MYO15A: variants seen among roughly 807,000 people sequenced by gnomAD.
The protein encoded by MYO15A is unconventional myosin-XV.
MYO15A carries 308 observed loss-of-function variants against 394.6 expected under a neutral mutation model. That is an observed-to-expected ratio of 0.78 (90% CI 0.71 to 0.86). The LOEUF is 0.86. Among genes scored for constraint, MYO15A ranks in the 40% least tolerant of loss-of-function variants. The probability of loss-of-function intolerance (pLI) is 0.00; values close to 1 mark genes in which losing one functional copy is unlikely to be tolerated. For synonymous variants in MYO15A, 1,957 were observed against 2,003.8 expected, an observed-to-expected ratio of 0.98 and a Z score of 0.62; for missense variants, 4,606 against 4,799.1, an observed-to-expected ratio of 0.96 and a Z score of 1.19.
chr17:18,135,638 G>A, intron 12 of MYO15A, 73 bp from the exon 13 acceptor site: 1 of 1,434,442 alleles, frequency 7.0e-7, no homozygotes, highest in Non-Finnish European at 9.7e-7. Flanking sequence ...ACAGTGCCCG[G>A]CCCTGTTTTT....
chr17:18,157,426 C>T (rs374969695), intron 50 of MYO15A, 196 bp downstream of exon 50: 23 of 915,974 alleles, frequency 2.5e-5, no homozygotes, highest in Admixed American at 1.5e-4. Context: ...GAGGGGTCTC[C>T]GTGGGCATTT....
At chr17:18,112,199 C>T in intron 1 of MYO15A, among the ~76,000 whole-genome samples, 1 of 151,146 alleles carries the variant, frequency 6.6e-6, no homozygotes, top group African/African-American at 2.4e-5. Context: ...CAGCCCTGCC[C>T]TGCTTCTCCC....
rs77657393 is a variant in MYO15A, at chr17:18,173,170, G to A, written c.10351-611G>A. 1.3e-3 allele frequency among the ~76,000 whole-genome samples: 197 copies of A among 152,248 alleles called. 1 individual carries two copies. The highest frequency in any genetic ancestry group is 0.01 in the Middle Eastern group (3 of 294). ...AGCTTTCCTTCTCTCCTGGGGGTGA[G>A]GGAGCTGGGGTGTCCATTCAACACT... On this transcript the variant is annotated intron_variant, in intron 64 of 65. Coordinates refer to ENST00000647165, the MANE Select transcript of MYO15A (RefSeq NM_016239.4).
intron 56 of MYO15A, chr17:18,160,680 T>G: frequency 4.9e-6 from 1 of 202,098 alleles, no homozygotes; most frequent in Non-Finnish European, 1.0e-5. Flanking sequence ...ACCACAGGGA[T>G]CCAGAGCGGG....
intron 62 of MYO15A, among the ~76,000 whole-genome samples, chr17:18,169,314 C>T (rs955803030): frequency 4.0e-5 from 6 of 151,052 alleles, no homozygotes; most frequent in Non-Finnish European, 8.8e-5. Context: ...GGCATGGTGG[C>T]GCATGCCTGT....
At chr17:18,124,638 C>T in intron 3 of MYO15A, 73 bp downstream of exon 3, 2 of 1,448,684 alleles carry the variant, frequency 1.4e-6, no homozygotes, top group Non-Finnish European at 9.5e-7. Context: ...AGAGCAGCTC[C>T]TCCTGCAGTT....
Position 18,156,245 on chromosome 17 carries a change from T to C in MYO15A, c.8510T>C (p.Phe2837Ser), listed in dbSNP as rs2046672717. 1 of 1,614,006 alleles carries C rather than the reference T, an allele frequency of 6.2e-7. No individual in the cohort carries two copies. The highest frequency in any genetic ancestry group is 8.5e-7 in the Non-Finnish European group (1 of 1,180,010). Residue 2837 changes from phenylalanine to serine, a missense_variant, in exon 48 of 66, where the codon TTC (phenylalanine) becomes TCC (serine). By Grantham distance (155) the Phe-to-Ser change is radical. Coordinates refer to ENST00000647165, the MANE Select transcript of MYO15A (RefSeq NM_016239.4). ...VTMPSQNMLE[F>S]NLASEKVILF... The stretch of plus-strand genomic sequence containing the variant: ...ATGCCCTCCCAGAACATGCTGGAGT[T>C]CAACCTGGCCAGTGAGAAGGTCATC...
At chr17:18,156,534 C>T (rs1479639571) in intron 48 of MYO15A, among the ~76,000 whole-genome samples, 198 bp downstream of exon 48, 2 of 152,248 alleles carry the variant, frequency 1.3e-5, no homozygotes, top group African/African-American at 2.4e-5. Flanking sequence ...TGCCCCCTGC[C>T]GGGTGGCACA....
chr17:18,122,578 G>A (rs2045959595), intron 2 of MYO15A, 169 bp downstream of exon 2: 1 of 1,073,718 alleles, frequency 9.3e-7, no homozygotes, highest in African/African-American at 1.6e-5. Flanking sequence ...CAGAACCTCT[G>A]GAGGGTTGAA....
At chr17:18,137,275 T>C (rs2046297500) in intron 15 of MYO15A, among the ~76,000 whole-genome samples, 1 of 152,250 alleles carries the variant, frequency 6.6e-6, no homozygotes. Flanking sequence ...GTACTGTCAG[T>C]ATCCTCATTT....
chr17:18,146,049 C>A lies in MYO15A; in HGVS notation c.6451C>A (p.Leu2151Met). 6.2e-7 allele frequency: 1 copy of A among 1,613,832 alleles called. No individual in the cohort carries two copies. The highest frequency in any genetic ancestry group is 1.1e-5 in the South Asian group (1 of 91,076). Reference sequence around the variant, plus strand: ...CAATGCTGAGCGGGGCTGGCTGCTGCTGGCCGCCTGCCTCAGTGGCTTTGC... The same window carrying A: ...CAATGCTGAGCGGGGCTGGCTGCTGATGGCCGCCTGCCTCAGTGGCTTTGC... ...AHNAERGWLLLAACLSGFAPS... is the reference protein window; with the variant it reads ...AHNAERGWLLMAACLSGFAPS... The change falls in exon 30 of 66, where the codon CTG becomes ATG. Residue 2151 changes from leucine to methionine, a missense_variant. Transcript: ENST00000647165.
chr17:18,175,821 C>T lies in MYO15A; in HGVS notation c.10491+1900C>T, dbSNP rs1426350366. On this transcript the variant is annotated intron_variant, in intron 65 of 65. Coordinates refer to ENST00000647165, the MANE Select transcript of MYO15A (RefSeq NM_016239.4). ...CACTCAGGCCCCAAATCTGGGAGTC[C>T]TTCCCATCCCTGTCCCTTCCTCCCA... 2.0e-5 allele frequency among the ~76,000 whole-genome samples: 3 copies of T among 152,112 alleles called. No homozygotes were observed. In the East Asian group the frequency reaches 5.8e-4, roughly 29 times the overall value.
At chr17:18,113,772 A>C (rs1449614536) in intron 1 of MYO15A, among the ~76,000 whole-genome samples, 8 of 140,772 alleles carry the variant, frequency 5.7e-5, no homozygotes, top group Non-Finnish European at 1.1e-4. Flanking sequence ...TAAGAATACA[A>C]ACTTATATTC....
Position 18,132,541 on chromosome 17 carries a change from C to T in MYO15A, c.4295C>T (p.Ala1432Val). 1.1e-5 allele frequency: 18 copies of T among 1,612,638 alleles called. No individual in the cohort carries two copies. The highest frequency in any genetic ancestry group is 1.4e-5 in the Non-Finnish European group (17 of 1,180,036). The stretch of plus-strand genomic sequence containing the variant: ...AGGCAGGCCTTTAGCCTGCAAGAGG[C>T]TGAGACCTACTACTATCTGAACCAG... ...QLRQAFSLQE[A>V]ETYYYLNQGG... Residue 1432 changes from alanine (A) to valine (V), a missense_variant, in exon 11 of 66, where the codon GCT (alanine) becomes GTT (valine). Physicochemically the swap from Ala to Val is moderately conservative, Grantham distance 64. This residue lies in a region of MYO15A where 2,776 missense variants were observed against 3,109.3 expected (regional missense o/e 0.89). Coordinates refer to ENST00000647165, the MANE Select transcript of MYO15A (RefSeq NM_016239.4). The surrounding 1 kb of genome is among the most constrained non-coding windows in gnomAD (Gnocchi z 4.6).
intron 62 of MYO15A, among the ~76,000 whole-genome samples, chr17:18,168,480 C>T (rs1003259952): frequency 6.6e-6 from 1 of 151,570 alleles, no homozygotes; most frequent in Non-Finnish European, 1.5e-5. Context: ...AGGAGAATGA[C>T]GTGAACCCGG....
At position 18,153,737 on chromosome 17, in the gene MYO15A, G is replaced by T; in HGVS notation, c.7967-38G>T. Reference sequence around the variant, plus strand: ...TATATTAATTAAATAAAAAAACGAGGTGCCTTCTCCTGACTCCCTGATCCC... The same window carrying T: ...TATATTAATTAAATAAAAAAACGAGTTGCCTTCTCCTGACTCCCTGATCCC... On this transcript the variant is annotated intron_variant, in intron 42 of 65. Transcript: ENST00000647165. This position sits in a 1 kb window ranked among gnomAD's most constrained non-coding sequence, Gnocchi z 4.1. The T allele has an allele frequency of 5.0e-6, 8 of 1,602,674 alleles. No individual in the cohort carries two copies. The highest frequency in any genetic ancestry group is 6.0e-6 in the Non-Finnish European group (7 of 1,176,462).
Position 18,133,227 on chromosome 17 carries a change from TG to T in MYO15A, c.4326del (p.Asn1443ThrfsTer4). 6.2e-7 allele frequency: 1 copy of T among 1,613,880 alleles called. No homozygotes were observed. The highest frequency in any genetic ancestry group is 8.5e-7 in the Non-Finnish European group (1 of 1,179,946). On this transcript the variant is annotated frameshift_variant, in exon 12 of 66. Coordinates refer to ENST00000647165, the MANE Select transcript of MYO15A (RefSeq NM_016239.4). LOFTEE classifies it high-confidence loss of function. ...CCTCAGCCTCTGCCCTCATGCAGGGTGGGAACTGTGAGATAGCAGGAAAGAG... is the reference window on the plus strand; with the variant it reads ...CCTCAGCCTCTGCCCTCATGCAGGGTGGAACTGTGAGATAGCAGGAAAGAG... ...AETYYYLNQGGNCEIAGKSDA... is the reference protein window; with the variant it reads ...AETYYYLNQGXNCEIAGKSDA...
intron 7 of MYO15A, among the ~76,000 whole-genome samples, chr17:18,129,892 GT>G (rs898996197): frequency 6.6e-6 from 1 of 150,882 alleles, no homozygotes; most frequent in African/African-American, 2.4e-5. Flanking sequence ...TTTTGTTTTT[GT>G]TTTTTTTTAG....
intron 2 of MYO15A, chr17:18,122,846 C>G (rs1356758707): frequency 5.9e-6 from 1 of 169,658 alleles, no homozygotes; most frequent in Non-Finnish European, 1.3e-5. Context: ...CTCCTACTGA[C>G]CCTCCCCCAA....
Sources: gnomAD v4.1 joint callset for allele counts (sites outside exome capture counted in the v4.1 genomes callset) on GRCh38, gnomAD v4.1.1 for gene constraint, gnomAD v4.1.1 regional missense constraint, Gnocchi (gnomAD v3.1) non-coding constraint, MANE v1.5 for transcripts, NCBI Gene and HGNC (gene_info 2026-07-23, HGNC 2026-07-21) for gene names.